The following MRPL10 variants were observed in gnomAD, a reference collection of about 807,000 sequenced individuals.
MRPL10 encodes large ribosomal subunit protein uL10m.
In MRPL10, 14 loss-of-function variants were observed where a neutral mutation model predicts 19.8. The ratio of observed to expected loss-of-function variants is 0.71; its 90% CI spans 0.47 to 1.11. The LOEUF (loss-of-function observed/expected upper bound fraction) is 1.11. MRPL10 is among the 50% of genes least tolerant of loss of function. MRPL10 has a pLI of 0.00. For missense variants in MRPL10, 318 were observed against 339.6 expected (o/e 0.94, Z 0.50); for synonymous variants, 129 against 139.2 (o/e 0.93, Z 0.52).
chr17:47,826,973 G>T, intron 3 of MRPL10, 67 bp downstream of exon 3: 1 of 1,525,502 alleles, frequency 6.6e-7, no homozygotes, highest in Non-Finnish European at 8.9e-7. Context: ...GGAGCAGATG[G>T]TGAGGTCTGA....
chr17:47,824,249 A>G lies in MRPL10; in HGVS notation c.742T>C (p.Ser248Pro). ...REQREKDSVM[S>P]ANGKPDPDTV... ...TCAGGATCTGGCTTCCCATTGGCCG[A>G]CATGACAGAATCCTTCTCGCGTTGC... The change falls in exon 5 of 5, where the codon TCG becomes CCG. Residue 248 changes from serine (S) to proline (P), a missense_variant. Physicochemically the swap from Ser to Pro is moderately conservative, Grantham distance 74. Transcript: ENST00000351111. 9 of 1,614,194 alleles carry G rather than the reference A, an allele frequency of 5.6e-6. No individual in the cohort carries two copies. The highest frequency in any genetic ancestry group is 7.6e-6 in the Non-Finnish European group (9 of 1,180,034).
At chr17:47,831,336 G>T in intron 1 of MRPL10, 124 bp downstream of exon 1, 2 of 1,537,224 alleles carry the variant, frequency 1.3e-6, no homozygotes, top group South Asian at 1.2e-5. Flanking sequence ...GAACTGGACG[G>T]GGTAAGGAGG....
intron 2 of MRPL10, among the ~76,000 whole-genome samples, chr17:47,827,921 A>AAAG (rs2033560558): frequency 6.9e-6 from 1 of 144,702 alleles, no homozygotes; most frequent in South Asian, 2.2e-4. Flanking sequence ...AAAAAAAAAA[A>AAAG]TGGCCAGGCA....
intron 4 of MRPL10, among the ~76,000 whole-genome samples, chr17:47,824,805 G>T (rs545535250): frequency 1.3e-4 from 20 of 152,158 alleles, no homozygotes; most frequent in African/African-American, 4.8e-4. Flanking sequence ...CCTGAGGTCA[G>T]GAGTTCAAGA....
intron 2 of MRPL10, chr17:47,828,249 T>G: frequency 2.9e-6 from 1 of 347,722 alleles, no homozygotes; most frequent in Non-Finnish European, 5.2e-6. Context: ...CAGCCCCACC[T>G]GCTAGGGTAG....
chr17:47,826,618 G>A lies in MRPL10; in HGVS notation c.532+19C>T, dbSNP rs770846190. 4.3e-6 allele frequency: 7 copies of A among 1,612,418 alleles called. No individual in the cohort carries two copies. Among genetic ancestry groups the A allele is most frequent in the Admixed American group, 1.7e-5 (1 of 59,990 alleles). On this transcript the variant is annotated intron_variant, in intron 4 of 4. Coordinates refer to ENST00000351111, the MANE Select transcript of MRPL10 (RefSeq NM_145255.4). ...GCCCCTCTTCACCCCACCCCTAACT[G>A]GCAGGGGTGCTTGCTCACCTAGCAG...
At chr17:47,825,314 T>C (rs981672439) in intron 4 of MRPL10, among the ~76,000 whole-genome samples, 6 of 150,748 alleles carry the variant, frequency 4.0e-5, no homozygotes, top group African/African-American at 1.5e-4. Flanking sequence ...GGGCAACAAC[T>C]GCGAAACTCC....
intron 1 of MRPL10, chr17:47,829,743 G>C (rs2033594810): frequency 6.6e-6 from 1 of 152,212 alleles, no homozygotes; most frequent in African/African-American, 2.4e-5. Context: ...ACAAAAATTA[G>C]CCAGGCGTGG....
chr17:47,824,213 C>A lies in MRPL10; in HGVS notation c.778G>T (p.Asp260Tyr), dbSNP rs189969421. The change falls in exon 5 of 5, where the codon GAC becomes TAC. Residue 260 changes from aspartate (D) to tyrosine (Y), a missense_variant. Asp to Tyr is a radical substitution (Grantham distance 160). Transcript: ENST00000351111. ...NGKPDPDTVP[D>Y]S ...CTGGCTAAACAGGCTGGCTACGAGT[C>A]CGGAACAGTGTCAGGATCTGGCTTC... 6.2e-7 allele frequency: 1 copy of A among 1,614,168 alleles called. No homozygotes were observed. The highest frequency in any genetic ancestry group is 8.5e-7 in the Non-Finnish European group (1 of 1,180,036).
At position 47,824,132 on chromosome 17, in the gene MRPL10, A is replaced by G; in HGVS notation, c.*73T>C. On this transcript the variant is annotated 3_prime_UTR_variant, in exon 5 of 5. Coordinates refer to ENST00000351111, the MANE Select transcript of MRPL10 (RefSeq NM_145255.4). Reference sequence around the variant, plus strand: ...ACACTCCCCGACCCCAAGTTCTTCCACATGTCCCATTGAGGAGAGCACAGC... The same window carrying G: ...ACACTCCCCGACCCCAAGTTCTTCCGCATGTCCCATTGAGGAGAGCACAGC... The G allele has an allele frequency of 6.3e-7, 1 of 1,597,418 alleles. No homozygotes were observed. The highest frequency in any genetic ancestry group is 8.6e-7 in the Non-Finnish European group (1 of 1,169,164).
rs1446005460 is a variant in MRPL10, at chr17:47,831,491, C to A, written c.21G>T (p.Gly7=). The A allele has an allele frequency of 6.5e-6, 10 of 1,549,888 alleles. No homozygotes were observed. Among genetic ancestry groups the A allele is most frequent in the African/African-American group, 2.7e-5 (2 of 73,138 alleles). Residue 7 remains glycine, a synonymous_variant, in exon 1 of 5, where the codon GGG becomes GGT. Transcript: ENST00000351111. ...GGGGCAGGAGACCCCCTCGCAGCATCCCCGCCACGGCCGCAGCCATCTCCA... is the reference window on the plus strand; with the variant it reads ...GGGGCAGGAGACCCCCTCGCAGCATACCCGCCACGGCCGCAGCCATCTCCA... The part of the protein sequence containing the change: MAAAVA[G]MLRGGLLPQA...
At chr17:47,827,288 C>T (rs2033550641) in intron 2 of MRPL10, 84 bp from the exon 3 acceptor site, 1 of 1,240,732 alleles carries the variant, frequency 8.1e-7, no homozygotes, top group Non-Finnish European at 1.1e-6. Context: ...GGTTCTAGGG[C>T]TTCCAGTGAT....
chr17:47,828,466 A>G, intron 2 of MRPL10, 35 bp downstream of exon 2: 1 of 1,375,816 alleles, frequency 7.3e-7, no homozygotes, highest in Non-Finnish European at 9.5e-7. Context: ...CCACCATCCC[A>G]CCACCAAGTG....
At chr17:47,828,203 CA>C (rs1227038872) in intron 2 of MRPL10, 9,232 of 164,098 alleles carry the variant, frequency 0.056, 1 homozygote, top group Middle Eastern at 0.12. Flanking sequence ...TACTCCATCT[CA>C]AAAAAAAAAA....
chr17:47,828,189 G>C (rs2033565684), intron 2 of MRPL10: 2 of 189,654 alleles, frequency 1.1e-5, no homozygotes, highest in South Asian at 3.3e-4. Context: ...GGCAACAAGA[G>C]CGATACTCCA....
chr17:47,830,351 C>T (rs920937795), intron 1 of MRPL10, among the ~76,000 whole-genome samples: 4 of 152,172 alleles, frequency 2.6e-5, no homozygotes, highest in Non-Finnish European at 5.9e-5. Flanking sequence ...TCAGTCATTT[C>T]CAAGACTGGG....
chr17:47,826,863 G>A (rs944399129), intron 3 of MRPL10, 82 bp from the exon 4 acceptor site: 18 of 1,579,548 alleles, frequency 1.1e-5, no homozygotes, highest in Non-Finnish European at 1.5e-5. Flanking sequence ...ACATTAGGCT[G>A]AGGGTGCAAC....
intron 1 of MRPL10, among the ~76,000 whole-genome samples, chr17:47,830,667 G>A (rs918403526): frequency 3.3e-5 from 5 of 152,044 alleles, no homozygotes; most frequent in Non-Finnish European, 5.9e-5. Context: ...CACCACACCC[G>A]GCTCATTTTT....
At chr17:47,824,874 C>A (rs34156395) in intron 4 of MRPL10, among the ~76,000 whole-genome samples, 20,530 of 151,444 alleles carry the variant, frequency 0.14, 1,487 homozygotes, top group Middle Eastern at 0.17. Flanking sequence ...ATTAGCCAGG[C>A]ATGGTGGCGA....
Sources: allele counts gnomAD v4.1 joint callset (sites outside exome capture counted in the v4.1 genomes callset), GRCh38; gene constraint gnomAD v4.1.1; transcripts MANE v1.5; gene names NCBI Gene and HGNC (gene_info 2026-07-23, HGNC 2026-07-21).